Variants in GALM observed in about 807,000 individuals in gnomAD.
GALM encodes the protein aldose 1-epimerase.
In GALM, 43 loss-of-function variants were observed where a neutral mutation model predicts 37.4. The ratio of observed to expected loss-of-function variants is 1.15; its 90% CI spans 0.90 to 1.48. The LOEUF is 1.48. Among genes scored for constraint, GALM ranks in the 40% most tolerant of loss-of-function variants. GALM has a pLI of 0.00. For missense variants in GALM, 456 were observed against 419.1 expected (o/e 1.09, Z -0.77); for synonymous variants, 199 against 170.6 (o/e 1.17, Z -1.30).
chr2:38,687,793 G>C (rs1039263087), intron 3 of GALM, among the ~76,000 whole-genome samples: 1 of 151,984 alleles, frequency 6.6e-6, no homozygotes, highest in Non-Finnish European at 1.5e-5. Flanking sequence ...GTCGTGTTTA[G>C]ACATGCATTC....
intron 2 of GALM, among the ~76,000 whole-genome samples, chr2:38,677,951 A>G (rs1306172465): frequency 1.3e-5 from 2 of 152,102 alleles, no homozygotes; most frequent in South Asian, 2.1e-4. Context: ...ATTTCATTCA[A>G]TACATGGATA....
intron 4 of GALM, among the ~76,000 whole-genome samples, chr2:38,717,206 C>T (rs1367726725): frequency 3.3e-5 from 5 of 151,478 alleles, no homozygotes; most frequent in Non-Finnish European, 4.4e-5. Flanking sequence ...GCCAAGATCA[C>T]GCCATTGCAC....
chr2:38,680,028 T>G (rs1318119171), intron 2 of GALM: 1 of 455,472 alleles, frequency 2.2e-6, no homozygotes, highest in Non-Finnish European at 4.4e-6. Flanking sequence ...TTTATTTACT[T>G]TTTTGAGACA....
chr2:38,712,706 G>A (rs184467471), intron 4 of GALM, among the ~76,000 whole-genome samples: 1 of 152,186 alleles, frequency 6.6e-6, no homozygotes, highest in South Asian at 2.1e-4. Flanking sequence ...CTAAACCATA[G>A]GTGACTGAGC....
At chr2:38,695,899 A>G (rs1291878958) in intron 4 of GALM, among the ~76,000 whole-genome samples, 2 of 152,010 alleles carry the variant, frequency 1.3e-5, no homozygotes, top group East Asian at 3.9e-4. Context: ...GGGTTTCACC[A>G]TGTTGACCAG....
At chr2:38,721,230 G>T (rs1212817682) in intron 4 of GALM, among the ~76,000 whole-genome samples, 1 of 152,178 alleles carries the variant, frequency 6.6e-6, no homozygotes, top group South Asian at 2.1e-4. Flanking sequence ...TCAGAGTGCA[G>T]GTAATTATAA....
chr2:38,668,439 T>C (rs1169509309), intron 1 of GALM: 4 of 152,170 alleles, frequency 2.6e-5, no homozygotes, highest in African/African-American at 7.2e-5. Flanking sequence ...TCTGTTACTA[T>C]TTTGATGGTG....
At chr2:38,726,755 G>C (rs1367240318) in intron 4 of GALM, among the ~76,000 whole-genome samples, 2 of 151,776 alleles carry the variant, frequency 1.3e-5, no homozygotes, top group Non-Finnish European at 2.9e-5. Flanking sequence ...AATTAGCTGG[G>C]TGTGGTGGCA....
chr2:38,681,055 C>G (rs1170352425), intron 2 of GALM, among the ~76,000 whole-genome samples: 2 of 151,760 alleles, frequency 1.3e-5, no homozygotes, highest in African/African-American at 4.8e-5. Context: ...TTGCTTGAAC[C>G]TGGGAGGTGG....
At chr2:38,693,561 T>C (rs1005158907) in intron 4 of GALM, among the ~76,000 whole-genome samples, 3 of 151,822 alleles carry the variant, frequency 2.0e-5, no homozygotes, top group African/African-American at 7.3e-5. Context: ...AAAATAAATA[T>C]GCACTATCTA....
At chr2:38,694,152 A>G (rs1009125080) in intron 4 of GALM, among the ~76,000 whole-genome samples, 1 of 152,154 alleles carries the variant, frequency 6.6e-6, no homozygotes, top group African/African-American at 2.4e-5. Context: ...ACTGCACTTC[A>G]ATGTGGGTGA....
intron 4 of GALM, among the ~76,000 whole-genome samples, chr2:38,691,719 C>A (rs550774960): frequency 7.0e-6 from 1 of 143,720 alleles, no homozygotes. Context: ...TGTTATATTT[C>A]AGTAGTTTTT....
At chr2:38,725,960 C>T (rs531774494) in intron 4 of GALM, among the ~76,000 whole-genome samples, 1 of 152,186 alleles carries the variant, frequency 6.6e-6, no homozygotes, top group East Asian at 1.9e-4. Flanking sequence ...GATCCGCCCA[C>T]CTCAGCCTCC....
At chr2:38,687,928 T>G (rs1665577991) in intron 3 of GALM, among the ~76,000 whole-genome samples, 1 of 151,752 alleles carries the variant, frequency 6.6e-6, no homozygotes, top group Non-Finnish European at 1.5e-5. Context: ...AAAAAACCAG[T>G]CGGCCGGGCA....
At chr2:38,705,084 G>C (rs1167180435) in intron 4 of GALM, among the ~76,000 whole-genome samples, 1 of 152,164 alleles carries the variant, frequency 6.6e-6, no homozygotes, top group Non-Finnish European at 1.5e-5. Context: ...GAAAATTGCA[G>C]GCTAACAGTC....
intron 4 of GALM, among the ~76,000 whole-genome samples, chr2:38,700,544 A>G (rs1251615773): frequency 6.6e-6 from 1 of 152,092 alleles, no homozygotes; most frequent in Non-Finnish European, 1.5e-5. Context: ...ATACAAGTAC[A>G]GCTACCCTGC....
At chr2:38,714,604 A>G (rs1234385830) in intron 4 of GALM, among the ~76,000 whole-genome samples, 1 of 152,220 alleles carries the variant, frequency 6.6e-6, no homozygotes, top group Non-Finnish European at 1.5e-5. Flanking sequence ...TCTGCTTTCT[A>G]GTCCTTCCTT....
At chr2:38,704,111 C>T (rs1665987646) in intron 4 of GALM, among the ~76,000 whole-genome samples, 1 of 151,730 alleles carries the variant, frequency 6.6e-6, no homozygotes, top group Non-Finnish European at 1.5e-5. Flanking sequence ...ATCACCTTGG[C>T]CCACAAAGGG....
chr2:38,687,602 T>G (rs1480402168), intron 3 of GALM, among the ~76,000 whole-genome samples: 1 of 151,158 alleles, frequency 6.6e-6, no homozygotes, highest in Non-Finnish European at 1.5e-5. Context: ...CCCAGCTACT[T>G]AAGGAGGCTA....
Sources: gnomAD v4.1 joint callset for allele counts (sites outside exome capture counted in the v4.1 genomes callset) on GRCh38, gnomAD v4.1.1 for gene constraint, MANE v1.5 for transcripts, NCBI Gene and HGNC (gene_info 2026-07-23, HGNC 2026-07-21) for gene names.